Variants in C5 observed in about 807,000 individuals in gnomAD.
C5 encodes the protein C3 and PZP-like alpha-2-macroglobulin domain-containing protein 4.
A neutral mutation model predicts 218.8 loss-of-function variants in C5; 140 were observed. That is an observed-to-expected ratio of 0.64 (90% CI 0.56 to 0.74). The LOEUF (loss-of-function observed/expected upper bound fraction) is 0.74. C5 is among the 30% of genes least tolerant of loss of function. The pLI, the probability that C5 is intolerant of heterozygous loss-of-function variation, is 0.00. For missense variants in C5, 1,700 were observed against 1,969.6 expected, an observed-to-expected ratio of 0.86 and a Z score of 2.59; for synonymous variants, 614 against 682.3, an observed-to-expected ratio of 0.90 and a Z score of 1.56.
chr9:120,960,157 A>G, intron 38 of C5, 91 bp downstream of exon 38: 1 of 809,884 alleles, frequency 1.2e-6, no homozygotes, highest in South Asian at 1.4e-5. Flanking sequence ...GTATTCATAT[A>G]ATCACTATAT....
chr9:121,023,954 G>C (rs1158333626), intron 9 of C5, among the ~76,000 whole-genome samples: 1 of 151,258 alleles, frequency 6.6e-6, no homozygotes, highest in East Asian at 2.0e-4. Flanking sequence ...GATACATAGA[G>C]AGAAATCAGA....
At chr9:121,014,463 T>C (rs1029979296) in intron 16 of C5, among the ~76,000 whole-genome samples, 1 of 152,320 alleles carries the variant, frequency 6.6e-6, no homozygotes, top group East Asian at 1.9e-4. Flanking sequence ...TATACAAATA[T>C]TTCCTTCTTC....
At chr9:120,980,848 C>T (rs193183272) in intron 27 of C5, among the ~76,000 whole-genome samples, 1,837 of 152,234 alleles carry the variant, frequency 0.012, 25 homozygotes, top group Non-Finnish European at 0.02. Context: ...CCGCCCGCCT[C>T]GGCCTCCCAA....
At chr9:121,036,732 C>T (rs1251255507) in intron 4 of C5, among the ~76,000 whole-genome samples, 1 of 152,182 alleles carries the variant, frequency 6.6e-6, no homozygotes, top group Non-Finnish European at 1.5e-5. Flanking sequence ...GTGTATCACC[C>T]CCACTCTCAC....
chr9:120,980,316 A>G, intron 27 of C5, 62 bp from the exon 28 acceptor site: 1 of 1,415,160 alleles, frequency 7.1e-7, no homozygotes. Context: ...ATTGATATGA[A>G]CTACCCTCAG....
chr9:121,020,894 A>C (rs1250363913), intron 11 of C5, among the ~76,000 whole-genome samples: 2 of 152,218 alleles, frequency 1.3e-5, no homozygotes, highest in Admixed American at 1.3e-4. Flanking sequence ...ATGGTGTTTC[A>C]TGTATTCTTC....
At chr9:121,074,701 G>A in the C5 span, 5 of 422,556 alleles carry the variant, frequency 1.2e-5, no homozygotes, top group East Asian at 7.0e-5. Flanking sequence ...AGCACTGCGG[G>A]CAGCTGCCGC....
At chr9:121,015,282 TAAAG>T (rs1564152136) in intron 15 of C5, 21 bp from the exon 16 acceptor site, 4 of 1,531,212 alleles carry the variant, frequency 2.6e-6, no homozygotes, top group Non-Finnish European at 2.7e-6. Context: ...TAAAAAAAGA[TAAAG>T]AAGAAGGATT....
At chr9:120,971,856 A>T in intron 31 of C5, 74 bp downstream of exon 31, 1 of 1,161,492 alleles carries the variant, frequency 8.6e-7, no homozygotes, top group Non-Finnish European at 1.3e-6. Context: ...ACTTTGTGGC[A>T]AAGCTCCTAA....
the C5 span, among the ~76,000 whole-genome samples, chr9:121,070,213 T>A: frequency 1.3e-5 from 2 of 151,336 alleles, no homozygotes; most frequent in South Asian, 4.2e-4. Flanking sequence ...CAAAATTAGC[T>A]GGGTATGTTG....
intron 21 of C5, 64 bp downstream of exon 21, chr9:120,997,483 C>T (rs955784483): frequency 7.7e-6 from 9 of 1,166,130 alleles, no homozygotes; most frequent in Non-Finnish European, 1.1e-5. Context: ...TTCTCTCCCC[C>T]CCCTTTCTGT....
In C5 at chr9:121,020,133, T is replaced by C. The variant is rs1358655354; in HGVS notation, c.1349A>G (p.Glu450Gly). 2 of 1,613,984 alleles carry C rather than the reference T, an allele frequency of 1.2e-6. No individual in the cohort carries two copies. The highest frequency in any genetic ancestry group is 1.3e-5 in the African/African-American group (1 of 74,932). ...TGAGTATGCTATTGCTCGGTAACCT[T>C]CCCTGGCCTGATTTTCTTCTGGAAG... The part of the protein sequence containing the change: ...PDLPEENQAR[E>G]GYRAIAYSSL... Residue 450 changes from glutamate (E) to glycine (G), a missense_variant, in exon 12 of 41, where the codon GAA (glutamate) becomes GGA (glycine). Coordinates refer to ENST00000223642, the MANE Select transcript of C5 (RefSeq NM_001735.3).
At chr9:121,043,907 T>C (rs1588000101) in intron 2 of C5, among the ~76,000 whole-genome samples, 1 of 152,066 alleles carries the variant, frequency 6.6e-6, no homozygotes, top group African/African-American at 2.4e-5. Flanking sequence ...TGAGTTGAGA[T>C]GCTCATTTTC....
intron 17 of C5, among the ~76,000 whole-genome samples, chr9:121,012,515 TCAAA>T (rs926908200): frequency 1.2e-4 from 18 of 152,124 alleles, no homozygotes; most frequent in East Asian, 3.9e-4. Context: ...ACTCTGTCTC[TCAAA>T]CAAACAAACA....
At chr9:120,956,248 C>T (rs759192588) in intron 39 of C5, among the ~76,000 whole-genome samples, 1 of 152,006 alleles carries the variant, frequency 6.6e-6, no homozygotes, top group Non-Finnish European at 1.5e-5. Flanking sequence ...GAGCCAAGAT[C>T]GTGCCACTGC....
chr9:121,036,759 C>T (rs1050659363), intron 4 of C5, among the ~76,000 whole-genome samples: 7 of 152,160 alleles, frequency 4.6e-5, no homozygotes, highest in Non-Finnish European at 7.4e-5. Flanking sequence ...TTGGTCTTCC[C>T]TCTGAGCTCA....
chr9:121,059,388 C>T, the C5 span, among the ~76,000 whole-genome samples: 401 of 152,308 alleles, frequency 2.6e-3, 1 homozygote, highest in African/African-American at 9.4e-3. This position sits in a 1 kb window ranked among gnomAD's most constrained non-coding sequence, Gnocchi z 4.1. Context: ...GTTTTATAAC[C>T]TCACCTGAAT....
intron 13 of C5, 26 bp downstream of exon 13, chr9:121,017,617 A>G (rs371280312): frequency 6.8e-6 from 11 of 1,608,640 alleles, no homozygotes; most frequent in African/African-American, 4.0e-5. Context: ...AGAAAATTCA[A>G]TTGTGACTTA....
the C5 span, among the ~76,000 whole-genome samples, chr9:121,056,127 C>G: frequency 1.3e-5 from 2 of 152,222 alleles, no homozygotes; most frequent in Non-Finnish European, 2.9e-5. Flanking sequence ...AAAACCTTCT[C>G]AAGGACAGGG....
Sources: gnomAD v4.1 joint callset for allele counts (sites outside exome capture counted in the v4.1 genomes callset) on GRCh38, gnomAD v4.1.1 for gene constraint, Gnocchi (gnomAD v3.1) non-coding constraint, MANE v1.5 for transcripts, NCBI Gene and HGNC (gene_info 2026-07-23, HGNC 2026-07-21) for gene names.